The following C8orf74 variants were observed in gnomAD, a reference collection of about 807,000 sequenced individuals.
The protein encoded by C8orf74 is uncharacterized protein C8orf74.
In C8orf74, 29 loss-of-function variants were observed where a neutral mutation model predicts 22.2. The ratio of observed to expected loss-of-function variants is 1.31; its 90% confidence interval spans 0.97 to 1.78. C8orf74 has a LOEUF of 1.78. Ranked by LOEUF, C8orf74 falls within the 40% of genes most tolerant of loss-of-function variation. The pLI is 0.00. For missense variants in C8orf74, 515 were observed against 369.9 expected, an observed-to-expected ratio of 1.39 and a Z score of -3.22; for synonymous variants, 255 against 163.1, an observed-to-expected ratio of 1.56 and a Z score of -4.30.
rs866917625 is a variant in C8orf74, at chr8:10,678,594, A to T, written c.241+3756A>T. On this transcript the variant is annotated intron_variant, in intron 2 of 3. Coordinates refer to ENST00000304519, the MANE Select transcript of C8orf74 (RefSeq NM_001040032.2). Reference sequence around the variant, plus strand: ...AGAGGCAGGACCAGGAAGTAATTTAAAAAAAAAAAAAAAAAAAGCAAACTG... The same window carrying T: ...AGAGGCAGGACCAGGAAGTAATTTATAAAAAAAAAAAAAAAAAGCAAACTG... Among the ~76,000 whole-genome samples the T allele has an allele frequency of 1.0e-3, 58 of 55,576 alleles. No homozygotes were observed. In the East Asian group the frequency reaches 0.023, roughly 22 times the overall value. The allele number at this position is 55,576 out of a possible 152,430, so 36.5% of individuals were successfully genotyped here.
chr8:10,681,675 C>A (rs1349484605), intron 2 of C8orf74, among the ~76,000 whole-genome samples: 2 of 152,170 alleles, frequency 1.3e-5, no homozygotes, highest in Non-Finnish European at 2.9e-5. Flanking sequence ...TGTGCTGCTC[C>A]GCCCTTCATC....
chr8:10,695,534 A>G (rs1035331374), intron 2 of C8orf74, among the ~76,000 whole-genome samples: 1 of 152,220 alleles, frequency 6.6e-6, no homozygotes, highest in Non-Finnish European at 1.5e-5. Context: ...CCTTTTGCTA[A>G]TATTTTCCCA....
rs767477754 is a variant in C8orf74, at chr8:10,700,447, A to T, written c.861A>T (p.Gly287=). ...EALKPQRASK[G]KKAKARK is the part of the protein sequence containing the mutation. ...TGAAGCCCCAAAGAGCGAGCAAAGG[A>T]AAGAAAGCGAAGGCAAGGAAGTAGA... The change falls in exon 4 of 4, where the codon GGA becomes GGT. Residue 287 remains glycine, a synonymous_variant. Transcript: ENST00000304519. 1 of 1,568,402 alleles carries T rather than the reference A, an allele frequency of 6.4e-7. No homozygotes were observed. Among genetic ancestry groups the T allele is most frequent in the African/African-American group, 1.4e-5 (1 of 72,448 alleles).
In C8orf74 at chr8:10,697,735, G is replaced by C. The variant is rs1488482338; in HGVS notation, c.378G>C (p.Gln126His). 1.9e-6 allele frequency: 3 copies of C among 1,613,924 alleles called. No homozygotes were observed. Among genetic ancestry groups the C allele is most frequent in the African/African-American group, 2.7e-5 (2 of 74,950 alleles). ...TCATCCGCCACTACAAACTCTACCA[G>C]TATGTCCTGGGCCAGGACCAGCAGG... ...HTFIRHYKLY[Q>H]YVLGQDQQVD... Residue 126 changes from glutamine to histidine, a missense_variant, in exon 3 of 4, where the codon CAG becomes CAC. Gln to His is a conservative substitution (Grantham distance 24). Coordinates refer to ENST00000304519, the MANE Select transcript of C8orf74 (RefSeq NM_001040032.2).
chr8:10,688,503 T>C (rs1307997696), intron 2 of C8orf74: 1 of 152,358 alleles, frequency 6.6e-6, no homozygotes, highest in Non-Finnish European at 1.5e-5. Flanking sequence ...CTTCAAGGAA[T>C]GGCCCCAGCA....
At chr8:10,695,926 C>G in intron 2 of C8orf74, among the ~76,000 whole-genome samples, 1 of 152,068 alleles carries the variant, frequency 6.6e-6, no homozygotes, top group Non-Finnish European at 1.5e-5. Context: ...GCGCCTGGCC[C>G]AAGCCCTCAT....
intron 2 of C8orf74, among the ~76,000 whole-genome samples, chr8:10,696,599 C>A (rs1799506869): frequency 6.6e-6 from 1 of 151,856 alleles, no homozygotes. Flanking sequence ...AGGCACCTGC[C>A]ACTACACTCA....
At chr8:10,681,236 G>A (rs1343521545) in intron 2 of C8orf74, among the ~76,000 whole-genome samples, 2 of 152,014 alleles carry the variant, frequency 1.3e-5, no homozygotes, top group East Asian at 1.9e-4. Context: ...TCTCCAGGAC[G>A]TTCTGCTCTC....
intron 3 of C8orf74, 99 bp downstream of exon 3, chr8:10,698,104 A>C (rs1466391161): frequency 4.1e-6 from 5 of 1,209,210 alleles, no homozygotes; most frequent in Non-Finnish European, 4.4e-6. Context: ...AGTGGCACAC[A>C]GGGGAGGGGG....
chr8:10,700,202 G>C, intron 3 of C8orf74, 33 bp from the exon 4 acceptor site: 1 of 1,460,592 alleles, frequency 6.8e-7, no homozygotes, highest in Non-Finnish European at 9.4e-7. Context: ...AGGCTCCCCA[G>C]CCCTGCTCAT....
intron 2 of C8orf74, among the ~76,000 whole-genome samples, chr8:10,694,255 G>C (rs1428747422): frequency 1.3e-5 from 2 of 152,094 alleles, no homozygotes; most frequent in Non-Finnish European, 1.5e-5. Context: ...ATAGTGCCGA[G>C]TAATTAATAG....
intron 2 of C8orf74, among the ~76,000 whole-genome samples, chr8:10,682,862 G>A (rs901397570): frequency 6.6e-5 from 10 of 152,234 alleles, no homozygotes; most frequent in Non-Finnish European, 8.8e-5. Context: ...TGTGTGTCAT[G>A]TGCTTGGCCT....
chr8:10,695,694 T>A (rs1008268732), intron 2 of C8orf74, among the ~76,000 whole-genome samples: 1 of 151,936 alleles, frequency 6.6e-6, no homozygotes, highest in African/African-American at 2.4e-5. Context: ...TGGGCAAGAC[T>A]GAGACAGTCC....
intron 2 of C8orf74, 29 bp downstream of exon 2, chr8:10,674,867 A>T: frequency 6.4e-7 from 1 of 1,556,038 alleles, no homozygotes; most frequent in Non-Finnish European, 8.7e-7. Flanking sequence ...AGGAGTCAGC[A>T]GAGGCTGGCG....
chr8:10,700,280 C>G lies in C8orf74; in HGVS notation c.694C>G (p.Leu232Val), dbSNP rs1455365934. ...ICQAVHTQME[L>V]LQELLQRQIQ... is the part of the protein sequence containing the mutation. Reference sequence around the variant, plus strand: ...CCAGGCAGTCCACACCCAGATGGAGCTCCTGCAGGAGCTGCTGCAGCGCCA... The same window carrying G: ...CCAGGCAGTCCACACCCAGATGGAGGTCCTGCAGGAGCTGCTGCAGCGCCA... The change falls in exon 4 of 4, where the codon CTC (leucine) becomes GTC (valine). Residue 232 changes from leucine to valine, a missense_variant. Physicochemically the swap from Leu to Val is conservative, Grantham distance 32 (BLOSUM62 1). Transcript: ENST00000304519. The G allele has an allele frequency of 1.2e-6, 2 of 1,612,902 alleles. No individual in the cohort carries two copies. The highest frequency in any genetic ancestry group is 1.3e-5 in the African/African-American group (1 of 74,900).
chr8:10,695,949 G>A (rs1451446209), intron 2 of C8orf74, among the ~76,000 whole-genome samples: 2 of 152,162 alleles, frequency 1.3e-5, no homozygotes, highest in Non-Finnish European at 2.9e-5. Flanking sequence ...TTCAGAGGGG[G>A]ACACTGAGTC....
chr8:10,693,319 C>T (rs1376459734), intron 2 of C8orf74, among the ~76,000 whole-genome samples: 2 of 152,170 alleles, frequency 1.3e-5, no homozygotes, highest in Non-Finnish European at 2.9e-5. Context: ...TCCTTTACTG[C>T]CTCCTCAGGG....
intron 2 of C8orf74, chr8:10,687,021 A>G: frequency 2.2e-6 from 1 of 449,288 alleles, no homozygotes; most frequent in South Asian, 1.6e-5. Flanking sequence ...ATTAGATTGA[A>G]GAAATCCAGT....
intron 2 of C8orf74, among the ~76,000 whole-genome samples, chr8:10,678,951 C>A (rs148603969): frequency 6.6e-6 from 1 of 152,354 alleles, no homozygotes; most frequent in Non-Finnish European, 1.5e-5. Context: ...CGAGAACAAG[C>A]CCTGCAGTCC....
Sources: allele counts gnomAD v4.1 joint callset (sites outside exome capture counted in the v4.1 genomes callset), GRCh38; gene constraint gnomAD v4.1.1; transcripts MANE v1.5; gene names NCBI Gene and HGNC (gene_info 2026-07-23, HGNC 2026-07-21).